Variants in BMP2K observed in about 807,000 individuals in gnomAD.
The protein encoded by BMP2K is BMP-2-inducible protein kinase.
Under a neutral mutation model 116.0 loss-of-function variants are expected in BMP2K, and 74 were observed. The observed-to-expected ratio is 0.64, with a 90% CI of 0.53 to 0.77. The LOEUF is 0.77. BMP2K is among the 30% of genes least tolerant of loss of function. The probability of loss-of-function intolerance (pLI) is 0.00; values close to 1 mark genes in which losing one functional copy is unlikely to be tolerated. For synonymous variants in BMP2K, 486 were observed against 502.5 expected (o/e 0.97, Z 0.44); for missense variants, 1,365 against 1,403.6 (o/e 0.97, Z 0.44).
intron 15 of BMP2K, among the ~76,000 whole-genome samples, chr4:78,895,109 G>C (rs762353973): frequency 1.3e-5 from 2 of 152,128 alleles, no homozygotes; most frequent in Non-Finnish European, 2.9e-5. Context: ...TAATGAAAAA[G>C]TTTTAAATAT....
At chr4:78,862,549 A>G (rs1290868254) in intron 9 of BMP2K, among the ~76,000 whole-genome samples, 2 of 152,072 alleles carry the variant, frequency 1.3e-5, no homozygotes, top group South Asian at 4.1e-4. Context: ...GTGGGAAATG[A>G]AGCTGGAGAG....
chr4:78,835,934 A>G (rs1260765641), intron 3 of BMP2K, among the ~76,000 whole-genome samples: 4 of 152,188 alleles, frequency 2.6e-5, no homozygotes, highest in African/African-American at 7.2e-5. Flanking sequence ...AAGAAAAGAT[A>G]GGAATTTTAC....
chr4:78,872,329 T>TTTTTTTTTTTTTTC (rs1491158703), intron 12 of BMP2K: 1 of 175,822 alleles, frequency 5.7e-6, no homozygotes, highest in African/African-American at 6.7e-5. Context: ...TTTTTTTTTT[T>TTTTTTTTTTTTTTC]AACAGCAACC....
rs1488480140 is a variant in BMP2K, at chr4:78,779,637, A to T, written c.178+2916A>T. On this transcript the variant is annotated intron_variant, in intron 1 of 15. Coordinates refer to ENST00000502613, the MANE Select transcript of BMP2K (RefSeq NM_198892.2). ...GATACAAATAAATGTTAGTGAGTAG[A>T]TGAATTTGTAAATATAGTATCCTCA... Among the ~76,000 whole-genome samples, 4 of 152,226 alleles carry T rather than the reference A, an allele frequency of 2.6e-5. No individual in the cohort carries two copies. The East Asian group carries it at 7.7e-4, about 29-fold the overall frequency.
chr4:78,865,562 C>T lies in BMP2K; in HGVS notation c.1073C>T (p.Thr358Ile), dbSNP rs1368502816. ...ARKSQIKARI[T>I]DTIGPTETSI... ...AATATATTCTTCTGTTGTAGAATAA[C>T]AGATACCATTGGACCAACAGAAACC... is the stretch of plus-strand genomic sequence containing the variant. The change falls in exon 10 of 16, where the codon ACA becomes ATA. Residue 358 changes from threonine (T) to isoleucine (I), a missense_variant. Around this residue, in one of 3 missense-constraint regions of BMP2K, gnomAD observed 762 missense variants for 756.7 expected, o/e 1.01. Coordinates refer to ENST00000502613, the MANE Select transcript of BMP2K (RefSeq NM_198892.2). 8 of 1,613,526 alleles carry T rather than the reference C, an allele frequency of 5.0e-6. No individual in the cohort carries two copies. Among genetic ancestry groups the T allele is most frequent in the Non-Finnish European group, 6.8e-6 (8 of 1,179,666 alleles).
intron 7 of BMP2K, 109 bp downstream of exon 7, chr4:78,851,165 G>T (rs1252538983): frequency 8.5e-7 from 1 of 1,174,614 alleles, no homozygotes; most frequent in Non-Finnish European, 1.1e-6. Flanking sequence ...TGAAAATTTT[G>T]TGAAACTATA....
chr4:78,825,392 GCATTAGGGCTAAA>G (rs1240159893), intron 1 of BMP2K, among the ~76,000 whole-genome samples: 4 of 152,126 alleles, frequency 2.6e-5, no homozygotes, highest in African/African-American at 9.7e-5. Context: ...ATAGATGACT[GCATTAGGGCTAAA>G]CATCATAGGC....
chr4:78,845,019 G>C lies in BMP2K; in HGVS notation c.638G>C (p.Gly213Ala). 1.9e-6 allele frequency: 3 copies of C among 1,585,452 alleles called. No homozygotes were observed. The highest frequency in any genetic ancestry group is 1.7e-6 in the Non-Finnish European group (2 of 1,156,736). ...TNKFLNPQKD[G>A]VNVVEEEIKK... ...AAATTTCTTAATCCTCAAAAAGATG[G>C]AGTTAATGTAGTAGAAGAAGAAATT... The change falls in exon 5 of 16, where the codon GGA becomes GCA. Residue 213 changes from glycine to alanine, a missense_variant. Transcript: ENST00000502613.
At chr4:78,891,115 G>A (rs938470099) in intron 15 of BMP2K, among the ~76,000 whole-genome samples, 14 of 152,070 alleles carry the variant, frequency 9.2e-5, no homozygotes, top group African/African-American at 3.4e-4. Context: ...AATTTGGCAG[G>A]GCAAATAATT....
intron 14 of BMP2K, among the ~76,000 whole-genome samples, chr4:78,882,478 C>T (rs1048829606): frequency 4.0e-5 from 6 of 151,204 alleles, no homozygotes; most frequent in Admixed American, 2.6e-4. Context: ...TTTTTTGTAC[C>T]AGAACATCCA....
intron 1 of BMP2K, 22 bp downstream of exon 1, chr4:78,776,743 C>A (rs1578457022): frequency 2.3e-6 from 2 of 873,968 alleles, no homozygotes. Context: ...CGGGGAGGCT[C>A]GGACAGGCAG....
chr4:78,840,827 C>T (rs1039136688), intron 3 of BMP2K, among the ~76,000 whole-genome samples: 1 of 152,038 alleles, frequency 6.6e-6, no homozygotes. Context: ...AAAATTTATT[C>T]TGCTTATTTT....
chr4:78,796,139 G>A (rs964994873), intron 1 of BMP2K, among the ~76,000 whole-genome samples: 4 of 151,988 alleles, frequency 2.6e-5, no homozygotes, highest in African/African-American at 4.8e-5. Flanking sequence ...TTGGAACCAA[G>A]CCAAATGTCC....
intron 1 of BMP2K, among the ~76,000 whole-genome samples, chr4:78,805,395 C>T (rs184823070): frequency 1.2e-4 from 18 of 152,114 alleles, no homozygotes; most frequent in Non-Finnish European, 2.4e-4. Flanking sequence ...GTTTTGGGTC[C>T]TTTGAATTTT....
intron 7 of BMP2K, among the ~76,000 whole-genome samples, chr4:78,853,347 T>C (rs2110036195): frequency 6.6e-6 from 1 of 152,268 alleles, no homozygotes; most frequent in East Asian, 1.9e-4. Flanking sequence ...TAATTTCTTC[T>C]TTCTTTCCTG....
chr4:78,847,636 G>T (rs1017588391), intron 6 of BMP2K, among the ~76,000 whole-genome samples: 35 of 151,516 alleles, frequency 2.3e-4, no homozygotes, highest in Admixed American at 1.5e-3. Flanking sequence ...ATTTTCTGGA[G>T]TATTTTAGGG....
At chr4:78,840,244 A>T (rs1730693329) in intron 3 of BMP2K, among the ~76,000 whole-genome samples, 2 of 152,178 alleles carry the variant, frequency 1.3e-5, no homozygotes, top group South Asian at 4.1e-4. Context: ...GAAAATATGG[A>T]AAGAGTTGAG....
chr4:78,899,422 T>G (rs899115038), intron 15 of BMP2K, among the ~76,000 whole-genome samples: 1 of 152,116 alleles, frequency 6.6e-6, no homozygotes, highest in Non-Finnish European at 1.5e-5. Context: ...ACTGGAATCT[T>G]TTTAGTAGGC....
chr4:78,845,621 T>G (rs1405380609), intron 5 of BMP2K, among the ~76,000 whole-genome samples: 1 of 151,698 alleles, frequency 6.6e-6, no homozygotes, highest in Non-Finnish European at 1.5e-5. Flanking sequence ...TGAGAATCTT[T>G]CGCTGACTCT....
Sources: allele counts gnomAD v4.1 joint callset (sites outside exome capture counted in the v4.1 genomes callset), GRCh38; gene constraint gnomAD v4.1.1; regional missense constraint gnomAD v4.1.1; transcripts MANE v1.5; gene names NCBI Gene and HGNC (gene_info 2026-07-23, HGNC 2026-07-21).